LRRN2: variants seen among roughly 807,000 people sequenced by gnomAD.
The protein encoded by LRRN2 is leucine-rich repeat neuronal protein 2.
A neutral mutation model predicts 35.7 loss-of-function variants in LRRN2; 10 were observed. That is an observed-to-expected ratio of 0.28 (90% confidence interval 0.17 to 0.47). The LOEUF is 0.47. Ranked by LOEUF, LRRN2 falls within the 20% of genes least tolerant of loss-of-function variation. LRRN2 has a pLI of 0.99. For synonymous variants in LRRN2, 391 were observed against 409.6 expected, an observed-to-expected ratio of 0.95 and a Z score of 0.55; for missense variants, 731 against 940.3, an observed-to-expected ratio of 0.78 and a Z score of 2.91.
chr1:204,640,187 C>T (rs1418455464), intron 1 of LRRN2, among the ~76,000 whole-genome samples: 5 of 152,124 alleles, frequency 3.3e-5, no homozygotes, highest in African/African-American at 7.2e-5. Flanking sequence ...GGTGAAGGCC[C>T]GCTTCCTGGT....
intron 1 of LRRN2, among the ~76,000 whole-genome samples, chr1:204,669,982 T>C (rs1668671381): frequency 6.6e-6 from 1 of 151,158 alleles, no homozygotes; most frequent in African/African-American, 2.4e-5. Context: ...GAACATTTTT[T>C]AGTTCTCAGA....
intron 1 of LRRN2, among the ~76,000 whole-genome samples, chr1:204,644,551 T>C (rs554349905): frequency 6.6e-6 from 1 of 152,320 alleles, no homozygotes; most frequent in South Asian, 2.1e-4. Flanking sequence ...TTCCATTCTC[T>C]TATTAGGGAG....
At chr1:204,670,192 A>G (rs1338326228) in intron 1 of LRRN2, among the ~76,000 whole-genome samples, 1 of 152,022 alleles carries the variant, frequency 6.6e-6, no homozygotes, top group Non-Finnish European at 1.5e-5. Flanking sequence ...GAGTGGATGG[A>G]CCCAGGTGCT....
Position 204,619,288 on chromosome 1 carries a change from C to A in LRRN2, c.705G>T (p.Gly235=), listed in dbSNP as rs773179788. ...AGGAGAGGCTCTCCAGGCTTTGCAG[C>A]CCCTCCAGGGCATAGTCGGAGATCT... is the stretch of plus-strand genomic sequence containing the variant. ...LREISDYALE[G]LQSLESLSFY... The change falls in exon 2 of 2, where the codon GGG becomes GGT. Residue 235 remains glycine (G), a synonymous_variant. Transcript: ENST00000367177. 7.4e-6 allele frequency: 12 copies of A among 1,614,040 alleles called. 1 individual carries two copies. The highest frequency in any genetic ancestry group is 1.6e-4 in the Middle Eastern group (1 of 6,084).
At chr1:204,658,123 A>G (rs1350466380) in intron 1 of LRRN2, among the ~76,000 whole-genome samples, 2 of 151,940 alleles carry the variant, frequency 1.3e-5, no homozygotes, top group Non-Finnish European at 2.9e-5. Flanking sequence ...GACTACAGGC[A>G]CGTGCCACCA....
intron 1 of LRRN2, among the ~76,000 whole-genome samples, chr1:204,642,555 A>G (rs1199391546): frequency 6.6e-6 from 1 of 151,964 alleles, no homozygotes; most frequent in Non-Finnish European, 1.5e-5. Context: ...TCTCTTTGCC[A>G]AACTTTCAAA....
chr1:204,640,223 C>G (rs1667948950), intron 1 of LRRN2, among the ~76,000 whole-genome samples: 1 of 152,158 alleles, frequency 6.6e-6, no homozygotes, highest in Non-Finnish European at 1.5e-5. Flanking sequence ...CATCTTCTCA[C>G]TGTGTCCTCA....
At chr1:204,637,643 G>T (rs78327176) in intron 1 of LRRN2, among the ~76,000 whole-genome samples, 1 of 134,900 alleles carries the variant, frequency 7.4e-6, no homozygotes. Flanking sequence ...TGCAGCACGT[G>T]ACGTGTGTGT....
chr1:204,620,397 C>T (rs1252897776), intron 1 of LRRN2, 179 bp from the exon 2 acceptor site: 2 of 231,544 alleles, frequency 8.6e-6, no homozygotes, highest in East Asian at 1.4e-4. Context: ...GCTCAGCCAC[C>T]TGAGTAGCTG....
intron 1 of LRRN2, among the ~76,000 whole-genome samples, chr1:204,683,321 A>C (rs1668993522): frequency 6.6e-6 from 1 of 152,188 alleles, no homozygotes. Flanking sequence ...AGCAGGGCAA[A>C]GTGGAGACAG....
chr1:204,654,479 G>A (rs1668302560), intron 1 of LRRN2, among the ~76,000 whole-genome samples: 2 of 152,190 alleles, frequency 1.3e-5, no homozygotes, highest in African/African-American at 4.8e-5. Context: ...ATGAAAGCCT[G>A]CTTTCTTAGT....
chr1:204,657,745 T>A (rs1184822005), intron 1 of LRRN2, among the ~76,000 whole-genome samples: 1 of 152,208 alleles, frequency 6.6e-6, no homozygotes, highest in East Asian at 1.9e-4. Flanking sequence ...GTGAATTATA[T>A]CTCAATTTTT....
chr1:204,669,125 G>A (rs895139573), intron 1 of LRRN2, among the ~76,000 whole-genome samples: 6 of 152,204 alleles, frequency 3.9e-5, no homozygotes, highest in Non-Finnish European at 7.3e-5. Context: ...GCGCCTGACT[G>A]TAAATAGCTT....
chr1:204,642,306 G>A (rs1490422985), intron 1 of LRRN2, among the ~76,000 whole-genome samples: 5 of 152,224 alleles, frequency 3.3e-5, no homozygotes, highest in African/African-American at 1.2e-4. Flanking sequence ...TGGCTTTATA[G>A]TCACATCCCT....
intron 1 of LRRN2, among the ~76,000 whole-genome samples, chr1:204,682,664 CAAT>C (rs1668980291): frequency 6.6e-6 from 1 of 152,176 alleles, no homozygotes; most frequent in Non-Finnish European, 1.5e-5. Flanking sequence ...AATAGGTATT[CAAT>C]AATAAATTTG....
chr1:204,625,614 T>C (rs1667285843), intron 1 of LRRN2, among the ~76,000 whole-genome samples: 2 of 152,096 alleles, frequency 1.3e-5, no homozygotes, highest in South Asian at 4.1e-4. Context: ...TCCCAGTCAA[T>C]ATCCAGCCCC....
intron 1 of LRRN2, among the ~76,000 whole-genome samples, chr1:204,668,916 A>G (rs1304869683): frequency 1.3e-5 from 2 of 152,206 alleles, no homozygotes; most frequent in Non-Finnish European, 2.9e-5. Flanking sequence ...CTTGACTTCC[A>G]GGGCTCAAGC....
intron 1 of LRRN2, among the ~76,000 whole-genome samples, chr1:204,644,654 T>C (rs1200794251): frequency 6.6e-6 from 1 of 152,216 alleles, no homozygotes; most frequent in African/African-American, 2.4e-5. Context: ...TACCCTAGTT[T>C]AGCATGAGCC....
intron 1 of LRRN2, among the ~76,000 whole-genome samples, chr1:204,660,171 C>T (rs1184691450): frequency 2.6e-5 from 4 of 152,194 alleles, no homozygotes; most frequent in African/African-American, 7.2e-5. Context: ...GTTCACAGGA[C>T]TCCTGCTCCT....
Sources: gnomAD v4.1 joint callset for allele counts (sites outside exome capture counted in the v4.1 genomes callset) on GRCh38, gnomAD v4.1.1 for gene constraint, MANE v1.5 for transcripts, NCBI Gene and HGNC (gene_info 2026-07-23, HGNC 2026-07-21) for gene names.